Variants in KCNIP1 observed in about 807,000 individuals in gnomAD.
KCNIP1 encodes A-type potassium channel modulatory protein KCNIP1.
Under a neutral mutation model 33.0 loss-of-function variants are expected in KCNIP1, and 18 were observed. That is an observed-to-expected ratio of 0.55 (90% confidence interval 0.38 to 0.81). The LOEUF is 0.81. Ranked by LOEUF, KCNIP1 falls within the 30% of genes least tolerant of loss-of-function variation. The probability of loss-of-function intolerance (pLI) is 0.00; values close to 1 mark genes in which losing one functional copy is unlikely to be tolerated. For synonymous variants in KCNIP1, 93 were observed against 98.3 expected (o/e 0.95, Z 0.32); for missense variants, 238 against 271.6 (o/e 0.88, Z 0.87).
chr5:170,406,993 T>C (rs1425435121), intron 1 of KCNIP1, among the ~76,000 whole-genome samples: 4 of 152,226 alleles, frequency 2.6e-5, no homozygotes, highest in Non-Finnish European at 5.9e-5. Flanking sequence ...AAGAAGTCCA[T>C]ACTGTTCTCT....
At chr5:170,395,441 T>G (rs1207923997) in intron 1 of KCNIP1, among the ~76,000 whole-genome samples, 1 of 152,236 alleles carries the variant, frequency 6.6e-6, no homozygotes, top group Non-Finnish European at 1.5e-5. Flanking sequence ...AAAGCCATGT[T>G]GTCAGATATT....
At chr5:170,393,551 CT>C (rs1754671619) in intron 1 of KCNIP1, among the ~76,000 whole-genome samples, 1 of 152,138 alleles carries the variant, frequency 6.6e-6, no homozygotes, top group African/African-American at 2.4e-5. Context: ...ATTTCCTCAA[CT>C]ACAAAAATAC....
chr5:170,411,423 A>G (rs542625048), intron 1 of KCNIP1, among the ~76,000 whole-genome samples: 2 of 152,222 alleles, frequency 1.3e-5, no homozygotes, highest in African/African-American at 4.8e-5. Context: ...GTTCTGACAG[A>G]GGACAGGCAG....
At chr5:170,571,227 T>A (rs1757396321) in intron 1 of KCNIP1, among the ~76,000 whole-genome samples, 1 of 152,192 alleles carries the variant, frequency 6.6e-6, no homozygotes, top group Non-Finnish European at 1.5e-5. Flanking sequence ...TGCTGTCCTC[T>A]GGCTACTGGG....
At chr5:170,357,513 T>G (rs73325609) in intron 1 of KCNIP1, among the ~76,000 whole-genome samples, 4,517 of 152,310 alleles carry the variant, frequency 0.03, 225 homozygotes, top group African/African-American at 0.1. Context: ...TATGGCCTTG[T>G]CAGTTACTGC....
chr5:170,453,624 T>C (rs114504411), intron 1 of KCNIP1, among the ~76,000 whole-genome samples: 1 of 152,236 alleles, frequency 6.6e-6, no homozygotes. Context: ...ATGAGATCTG[T>C]GACTTGCTTC....
chr5:170,371,563 TG>T (rs1763845571), intron 1 of KCNIP1, among the ~76,000 whole-genome samples: 1 of 152,182 alleles, frequency 6.6e-6, no homozygotes, highest in Admixed American at 6.5e-5. Context: ...ACTTCTGCCT[TG>T]GGGCAAGTTA....
chr5:170,618,937 G>A (rs1759504401), intron 1 of KCNIP1, among the ~76,000 whole-genome samples: 1 of 152,134 alleles, frequency 6.6e-6, no homozygotes, highest in Admixed American at 6.5e-5. Flanking sequence ...AGTCATGGGG[G>A]ACACTGTCTA....
chr5:170,365,850 C>T (rs183683324), intron 1 of KCNIP1, among the ~76,000 whole-genome samples: 28 of 152,324 alleles, frequency 1.8e-4, no homozygotes, highest in African/African-American at 5.3e-4. Flanking sequence ...ATTAAAGTAA[C>T]GCACTTAAAA....
intron 1 of KCNIP1, among the ~76,000 whole-genome samples, chr5:170,359,994 G>A (rs553129821): frequency 7.9e-5 from 12 of 152,318 alleles, no homozygotes; most frequent in African/African-American, 2.4e-4. Context: ...ACAGGGGAGC[G>A]GCTAGTTTGC....
Position 170,432,833 on chromosome 5 carries a change from G to A in KCNIP1, c.88+78869G>A, listed in dbSNP as rs527804767. ...GATGCATAAACTGTCTAGTGAGGGTGACAGATAGTATTGACATGACCAGAA... is the reference window on the plus strand; with the variant it reads ...GATGCATAAACTGTCTAGTGAGGGTAACAGATAGTATTGACATGACCAGAA... On this transcript the variant is annotated intron_variant, in intron 1 of 7. Coordinates refer to the KCNIP1 transcript ENST00000377360. Among the ~76,000 whole-genome samples the A allele has an allele frequency of 1.7e-4, 26 of 152,324 alleles. No homozygotes were observed. The South Asian group carries it at 4.6e-3, about 27-fold the overall frequency.
intron 1 of KCNIP1, among the ~76,000 whole-genome samples, chr5:170,552,835 C>T (rs553111467): frequency 5.4e-4 from 82 of 152,332 alleles, no homozygotes; most frequent in African/African-American, 9.1e-4. Flanking sequence ...GAGGAGATAG[C>T]GTGGCCCAGA....
chr5:170,681,125 G>A, intron 1 of KCNIP1: 2 of 399,118 alleles, frequency 5.0e-6, no homozygotes, highest in East Asian at 7.1e-5. Flanking sequence ...TGGTGGTCGT[G>A]TGCTCCTCCC....
At chr5:170,477,615 G>C (rs1366483121) in intron 1 of KCNIP1, among the ~76,000 whole-genome samples, 1 of 152,004 alleles carries the variant, frequency 6.6e-6, no homozygotes, top group African/African-American at 2.4e-5. Context: ...GCTAATTTTT[G>C]TATTTTTTAG....
At chr5:170,559,087 T>C (rs921303692) in intron 1 of KCNIP1, among the ~76,000 whole-genome samples, 3 of 152,254 alleles carry the variant, frequency 2.0e-5, no homozygotes, top group Non-Finnish European at 2.9e-5. Flanking sequence ...TATGAACTAC[T>C]GTTGAAAATC....
intron 1 of KCNIP1, among the ~76,000 whole-genome samples, chr5:170,412,251 T>C (rs970322999): frequency 6.6e-6 from 1 of 151,974 alleles, no homozygotes; most frequent in African/African-American, 2.4e-5. Flanking sequence ...TTTTAGGTCA[T>C]GCAGGCACAT....
intron 1 of KCNIP1, among the ~76,000 whole-genome samples, chr5:170,590,013 C>T (rs1758184737): frequency 6.6e-6 from 1 of 152,052 alleles, no homozygotes; most frequent in African/African-American, 2.4e-5. Flanking sequence ...GGGGATGGCT[C>T]AGAACTCCCA....
chr5:170,510,430 C>T (rs1017197805), intron 1 of KCNIP1, among the ~76,000 whole-genome samples: 2 of 152,174 alleles, frequency 1.3e-5, no homozygotes, highest in African/African-American at 2.4e-5. Context: ...GAGAATGCGG[C>T]GGTGCAGATG....
intron 1 of KCNIP1, among the ~76,000 whole-genome samples, chr5:170,494,894 G>A (rs988391065): frequency 6.6e-5 from 10 of 152,288 alleles, no homozygotes; most frequent in Admixed American, 2.0e-4. Flanking sequence ...TGGCTTGGGC[G>A]AATTACACCA....
Sources: allele counts gnomAD v4.1 joint callset (sites outside exome capture counted in the v4.1 genomes callset), GRCh38; gene constraint gnomAD v4.1.1; transcripts MANE v1.5; gene names NCBI Gene and HGNC (gene_info 2026-07-23, HGNC 2026-07-21).